The following ADAM22 variants were observed in gnomAD, a reference collection of about 807,000 sequenced individuals.
The protein encoded by ADAM22 is disintegrin and metalloproteinase domain-containing protein 22.
In ADAM22, 65 loss-of-function variants were observed where a neutral mutation model predicts 144.6. The observed-to-expected ratio is 0.45, with a 90% confidence interval of 0.37 to 0.55. The LOEUF (loss-of-function observed/expected upper bound fraction) is 0.55, where lower values mean the gene tolerates loss of function less well. Ranked by LOEUF, ADAM22 falls within the 20% of genes least tolerant of loss-of-function variation. ADAM22 has a pLI of 0.00. For synonymous variants in ADAM22, 391 were observed against 412.6 expected, an observed-to-expected ratio of 0.95 and a Z score of 0.63; for missense variants, 974 against 1,184.9, an observed-to-expected ratio of 0.82 and a Z score of 2.61.
chr7:88,114,536 G>A, intron 5 of ADAM22, 48 bp from the exon 6 acceptor site: 1 of 1,565,656 alleles, frequency 6.4e-7, no homozygotes, highest in Non-Finnish European at 8.8e-7. Context: ...ATCTTGTTCT[G>A]GGATGAGAGT....
chr7:88,168,338 A>G, intron 25 of ADAM22, 111 bp downstream of exon 25: 1 of 1,102,282 alleles, frequency 9.1e-7, no homozygotes, highest in South Asian at 1.3e-5. Context: ...CTTGCAATGA[A>G]AATCAGCTTG....
chr7:87,994,912 C>G (rs1027429561), intron 3 of ADAM22, among the ~76,000 whole-genome samples: 4 of 152,078 alleles, frequency 2.6e-5, no homozygotes. Context: ...ACTGCAAGCT[C>G]CGCCTCCCGG....
intron 4 of ADAM22, among the ~76,000 whole-genome samples, chr7:88,097,151 C>CTTT (rs1169759079): frequency 6.0e-4 from 77 of 129,206 alleles, no homozygotes; most frequent in African/African-American, 2.0e-3. Flanking sequence ...TTTTTCTTTT[C>CTTT]TTTTTTTTTT....
chr7:88,005,414 C>A (rs1793571059), intron 3 of ADAM22, among the ~76,000 whole-genome samples: 1 of 152,090 alleles, frequency 6.6e-6, no homozygotes, highest in African/African-American at 2.4e-5. Context: ...AGGCTGCAGG[C>A]CCAGTGCTAT....
chr7:88,130,317 T>C, intron 9 of ADAM22, 71 bp from the exon 10 acceptor site: 2 of 1,200,090 alleles, frequency 1.7e-6, no homozygotes, highest in Non-Finnish European at 2.4e-6. Context: ...AATTGCACCA[T>C]GTTTTCTCTG....
At chr7:88,182,326 T>C (rs1847247813) in intron 29 of ADAM22, among the ~76,000 whole-genome samples, 1 of 152,144 alleles carries the variant, frequency 6.6e-6, no homozygotes, top group South Asian at 2.1e-4. Flanking sequence ...AACATTCCTT[T>C]CTTCTCATCA....
At chr7:88,174,459 C>A (rs1319262055) in intron 26 of ADAM22, among the ~76,000 whole-genome samples, 8 of 152,042 alleles carry the variant, frequency 5.3e-5, no homozygotes. Context: ...TATATTTATC[C>A]TTTCATTTAA....
intron 3 of ADAM22, among the ~76,000 whole-genome samples, chr7:88,017,636 T>C (rs886578531): frequency 6.6e-6 from 1 of 152,130 alleles, no homozygotes; most frequent in South Asian, 2.1e-4. Context: ...ATATAAAATA[T>C]ATAAAGTATG....
chr7:88,023,350 T>C (rs1160268684), intron 3 of ADAM22, among the ~76,000 whole-genome samples: 1 of 152,222 alleles, frequency 6.6e-6, no homozygotes, highest in Non-Finnish European at 1.5e-5. Context: ...GTAATAACCA[T>C]ATCAGGGTAA....
chr7:88,134,950 T>A (rs1832646241), intron 13 of ADAM22, among the ~76,000 whole-genome samples: 3 of 152,104 alleles, frequency 2.0e-5, no homozygotes, highest in African/African-American at 7.2e-5. Context: ...TGTATTTACC[T>A]TAAAAATTTG....
intron 3 of ADAM22, among the ~76,000 whole-genome samples, chr7:88,053,422 T>C (rs1807065701): frequency 6.6e-6 from 1 of 151,904 alleles, no homozygotes; most frequent in Non-Finnish European, 1.5e-5. Context: ...CAAGCCATGA[T>C]TGCACCACTG....
At chr7:88,172,009 G>T (rs988052229) in intron 26 of ADAM22, among the ~76,000 whole-genome samples, 2 of 151,724 alleles carry the variant, frequency 1.3e-5, no homozygotes, top group African/African-American at 4.8e-5. Flanking sequence ...AAGTGACAAA[G>T]TTTATTTGGG....
chr7:88,169,496 C>G (rs1299263607), intron 25 of ADAM22, among the ~76,000 whole-genome samples: 1 of 152,032 alleles, frequency 6.6e-6, no homozygotes, highest in Non-Finnish European at 1.5e-5. Flanking sequence ...GCTAAATAAA[C>G]TCTTTCATAA....
Position 88,187,317 on chromosome 7 carries a change from C to T in ADAM22, c.2750+616C>T, listed in dbSNP as rs921148096. 5.3e-5 allele frequency among the ~76,000 whole-genome samples: 8 copies of T among 152,276 alleles called. No individual in the cohort carries two copies. The East Asian group carries it at 1.5e-3, about 29-fold the overall frequency. On this transcript the variant is annotated intron_variant, in intron 30 of 31. Transcript: ENST00000413139. Reference sequence around the variant, plus strand: ...AAAGGCTGTGCTGAGAAGTGTTATACAGATTCTCAACAAAGCATGTAAGAA... The same window carrying T: ...AAAGGCTGTGCTGAGAAGTGTTATATAGATTCTCAACAAAGCATGTAAGAA...
At position 88,193,742 on chromosome 7, in the gene ADAM22, T is replaced by C. The variant is rs551552723; in HGVS notation, c.2874+503T>C. ...GTAATGTTCATCTTCTTAGAAATAATGTTGCAAAAAAATAAAATAAAGCTT... is the reference window on the plus strand; with the variant it reads ...GTAATGTTCATCTTCTTAGAAATAACGTTGCAAAAAAATAAAATAAAGCTT... On this transcript the variant is annotated intron_variant, in intron 31 of 31. Coordinates refer to ENST00000413139, the MANE Select transcript of ADAM22 (RefSeq NM_001324418.2). Among the ~76,000 whole-genome samples, 3 of 152,348 alleles carry C rather than the reference T, an allele frequency of 2.0e-5. No individual in the cohort carries two copies. The South Asian group carries it at 6.2e-4, about 32-fold the overall frequency.
At chr7:88,005,662 C>T (rs1232705708) in intron 3 of ADAM22, among the ~76,000 whole-genome samples, 1 of 152,038 alleles carries the variant, frequency 6.6e-6, no homozygotes, top group Non-Finnish European at 1.5e-5. Context: ...CTAAATCTGT[C>T]ACATTAACCG....
At chr7:88,113,378 C>T (rs1336326462) in intron 5 of ADAM22, among the ~76,000 whole-genome samples, 6 of 151,520 alleles carry the variant, frequency 4.0e-5, no homozygotes, top group Admixed American at 1.3e-4. Flanking sequence ...CATCTTCTTT[C>T]GCCTGGATTA....
chr7:88,153,103 G>T (rs1448185571), intron 20 of ADAM22, 118 bp from the exon 21 acceptor site: 3 of 604,654 alleles, frequency 5.0e-6, no homozygotes, highest in East Asian at 5.9e-5. Context: ...TAACATTTTT[G>T]GAATTGATAA....
intron 3 of ADAM22, among the ~76,000 whole-genome samples, chr7:88,035,935 C>A (rs920462592): frequency 2.6e-5 from 4 of 152,114 alleles, no homozygotes; most frequent in Non-Finnish European, 5.9e-5. Flanking sequence ...AAAGCACAGG[C>A]AAAGTCAGGA....
Sources: allele counts gnomAD v4.1 joint callset (sites outside exome capture counted in the v4.1 genomes callset), GRCh38; gene constraint gnomAD v4.1.1; transcripts MANE v1.5; gene names NCBI Gene and HGNC (gene_info 2026-07-23, HGNC 2026-07-21).